TVP23B: variants seen among roughly 807,000 people sequenced by gnomAD.
TVP23B encodes trans-golgi network vesicle protein 23 homolog B.
A neutral mutation model predicts 30.6 loss-of-function variants in TVP23B; 10 were observed. That is an observed-to-expected ratio of 0.33 (90% CI 0.20 to 0.55). The LOEUF (loss-of-function observed/expected upper bound fraction) is 0.55. Among genes scored for constraint, TVP23B ranks in the 20% least tolerant of loss-of-function variants. TVP23B has a pLI of 0.91. For synonymous variants in TVP23B, 67 were observed against 83.1 expected (o/e 0.81, Z 1.06); for missense variants, 153 against 243.2 (o/e 0.63, Z 2.47).
chr17:18,783,577 CTTG>C (rs1161330358), intron 1 of TVP23B, among the ~76,000 whole-genome samples: 3 of 152,206 alleles, frequency 2.0e-5, no homozygotes, highest in African/African-American at 7.2e-5. Flanking sequence ...AACGTTGCTT[CTTG>C]TTTCACTGAA....
At chr17:18,799,908 C>G (rs1479827408) in intron 5 of TVP23B, among the ~76,000 whole-genome samples, 3 of 151,846 alleles carry the variant, frequency 2.0e-5, no homozygotes, top group Non-Finnish European at 2.9e-5. Context: ...TTCATACTTT[C>G]CTTCTTTGGA....
chr17:18,793,624 A>G (rs1254495823), intron 3 of TVP23B, among the ~76,000 whole-genome samples: 2 of 151,520 alleles, frequency 1.3e-5, no homozygotes, highest in Non-Finnish European at 2.9e-5. Flanking sequence ...AATGGCAACT[A>G]TTAGTAAAAT....
At chr17:18,800,468 T>G (rs1224586396) in intron 5 of TVP23B, among the ~76,000 whole-genome samples, 1 of 152,238 alleles carries the variant, frequency 6.6e-6, no homozygotes, top group African/African-American at 2.4e-5. Flanking sequence ...TTTAAACATA[T>G]GAGCCTATTG....
intron 5 of TVP23B, among the ~76,000 whole-genome samples, chr17:18,799,851 C>T (rs1223060301): frequency 7.9e-5 from 12 of 152,010 alleles, no homozygotes; most frequent in Admixed American, 6.5e-4. Context: ...TTTTCTTAGT[C>T]CTATTTTGCG....
intron 5 of TVP23B, among the ~76,000 whole-genome samples, chr17:18,799,379 AG>A (rs1165967282): frequency 6.6e-6 from 1 of 151,682 alleles, no homozygotes; most frequent in Non-Finnish European, 1.5e-5. Flanking sequence ...CCTCTTCATG[AG>A]GTCCCATGGC....
Position 18,789,436 on chromosome 17 carries a change from G to T in TVP23B, c.95+1G>T, listed in dbSNP as rs771502355. The T allele has an allele frequency of 6.2e-7, 1 of 1,613,904 alleles. No homozygotes were observed. Among genetic ancestry groups the T allele is most frequent in the Non-Finnish European group, 8.5e-7 (1 of 1,179,888 alleles). ...ATAGACCAAGAAAAGCCAAAATCAG[G>T]TAGGAGGAGAGAAGTTGCATGAGCT... is the stretch of plus-strand genomic sequence containing the variant. On this transcript the variant is annotated splice_donor_variant, in intron 2 of 6. Coordinates refer to ENST00000307767, the MANE Select transcript of TVP23B (RefSeq NM_016078.6). LOFTEE classifies it high-confidence loss of function.
chr17:18,803,310 G>A (rs949546475), intron 5 of TVP23B, among the ~76,000 whole-genome samples: 3 of 152,142 alleles, frequency 2.0e-5, no homozygotes, highest in Admixed American at 6.5e-5. Flanking sequence ...GGCTGCCTTC[G>A]GATTAGAACA....
chr17:18,804,093 C>G, intron 5 of TVP23B, 45 bp from the exon 6 acceptor site: 1 of 1,601,920 alleles, frequency 6.2e-7, no homozygotes, highest in Non-Finnish European at 8.5e-7. Flanking sequence ...AGAGAAAGGT[C>G]AATTTCAGGC....
chr17:18,781,378 C>T (rs1230673310), intron 1 of TVP23B, 73 bp downstream of exon 1: 11 of 1,536,646 alleles, frequency 7.2e-6, no homozygotes, highest in Non-Finnish European at 9.6e-6. Context: ...GGGACTGGAG[C>T]CCGCGTCCCC....
intron 3 of TVP23B, among the ~76,000 whole-genome samples, chr17:18,791,844 A>G (rs1364834897): frequency 4.0e-5 from 6 of 151,862 alleles, no homozygotes; most frequent in South Asian, 4.2e-4. Context: ...AATATTAAAT[A>G]TGGACTCTAG....
intron 1 of TVP23B, among the ~76,000 whole-genome samples, chr17:18,785,365 A>G (rs1194368757): frequency 1.4e-5 from 2 of 147,510 alleles, no homozygotes; most frequent in African/African-American, 2.5e-5. Flanking sequence ...ATGTAACTCC[A>G]GGAGTGCAGA....
At chr17:18,794,298 G>GT (rs1477583576) in intron 3 of TVP23B, among the ~76,000 whole-genome samples, 1 of 152,172 alleles carries the variant, frequency 6.6e-6, no homozygotes, top group Non-Finnish European at 1.5e-5. Context: ...AAATATCACT[G>GT]TGAAGAAAAT....
At position 18,806,196 on chromosome 17, in the gene TVP23B, AT is replaced by A; in HGVS notation, c.*630del. 2 of 884,402 alleles carry A rather than the reference AT, an allele frequency of 2.3e-6. No individual in the cohort carries two copies. The highest frequency in any genetic ancestry group is 2.7e-6 in the Non-Finnish European group (2 of 737,482). 54.8% of individuals were successfully genotyped at this position (884,402 alleles called of 1,614,324 possible). ...GTCATCTATTTAAGGCCCAGTTAAT[AT>A]AAGTGGAATCATCATAGTTTAAGGA... On this transcript the variant is annotated 3_prime_UTR_variant, in exon 7 of 7. Transcript: ENST00000307767.
intron 1 of TVP23B, among the ~76,000 whole-genome samples, chr17:18,788,373 A>G (rs1597615626): frequency 6.6e-6 from 1 of 151,944 alleles, no homozygotes; most frequent in East Asian, 1.9e-4. Context: ...AAAGGAAGCA[A>G]TGCTTTGGGA....
intron 1 of TVP23B, among the ~76,000 whole-genome samples, chr17:18,784,738 G>A (rs544828546): frequency 6.6e-6 from 1 of 152,334 alleles, no homozygotes; most frequent in East Asian, 1.9e-4. Context: ...TCCTCCTCCT[G>A]GAGGCACTTT....
Position 18,783,100 on chromosome 17 carries a change from G to GTT in TVP23B, c.12+1795_12+1796insTT, listed in dbSNP as rs2035834891. On this transcript the variant is annotated intron_variant, in intron 1 of 6. Transcript: ENST00000307767. Reference sequence around the variant, plus strand: ...CTATTTATTTATTTATTGATTGATTGATTGATTCATTCATTCATTTATGAG... The same window carrying GTT: ...CTATTTATTTATTTATTGATTGATTGTTATTGATTCATTCATTCATTTATGAG... Among the ~76,000 whole-genome samples the GTT allele has an allele frequency of 2.6e-5, 2 of 77,450 alleles. 1 individual carries two copies. The highest frequency in any genetic ancestry group is 6.3e-5 in the Non-Finnish European group (2 of 31,912). The allele number at this position is 77,450 out of a possible 152,430, so 50.8% of individuals were successfully genotyped here. A position where few individuals can be genotyped will look rare whatever the true frequency, so the allele number is the denominator to read the frequency against.
chr17:18,789,586 A>G, intron 2 of TVP23B, 151 bp downstream of exon 2: 3 of 1,007,264 alleles, frequency 3.0e-6, no homozygotes, highest in South Asian at 3.7e-5. Flanking sequence ...TACGACAAAG[A>G]TGACATTTCA....
rs2036244095 is a variant in TVP23B, at chr17:18,805,884, A to G, written c.*317A>G. On this transcript the variant is annotated 3_prime_UTR_variant, in exon 7 of 7. Transcript: ENST00000307767. ...CAAGTTAATGAAAGTGTTCATTTACATAGGTAATGGAGACCTTTGCATTTT... is the reference window on the plus strand; with the variant it reads ...CAAGTTAATGAAAGTGTTCATTTACGTAGGTAATGGAGACCTTTGCATTTT... 12 of 1,126,598 alleles carry G rather than the reference A, an allele frequency of 1.1e-5. No homozygotes were observed. The highest frequency in any genetic ancestry group is 1.3e-5 in the Non-Finnish European group (12 of 918,260). The allele number at this position is 1,126,598 out of a possible 1,614,324, so 69.8% of individuals were successfully genotyped here.
intron 1 of TVP23B, among the ~76,000 whole-genome samples, chr17:18,783,025 C>T (rs535302704): frequency 5.4e-5 from 8 of 146,800 alleles, no homozygotes; most frequent in East Asian, 3.9e-4. Flanking sequence ...TTTGAACCTG[C>T]GCCCAGGCCG....
Sources: allele counts gnomAD v4.1 joint callset (sites outside exome capture counted in the v4.1 genomes callset), GRCh38; gene constraint gnomAD v4.1.1; transcripts MANE v1.5; gene names NCBI Gene and HGNC (gene_info 2026-07-23, HGNC 2026-07-21).